The following CDH26 variants were observed in gnomAD, a reference collection of about 807,000 sequenced individuals.
The protein encoded by CDH26 is cadherin-like protein 26.
CDH26 carries 83 observed loss-of-function variants against 90.3 expected under a neutral mutation model. The observed-to-expected ratio is 0.92, with a 90% confidence interval of 0.77 to 1.10. The LOEUF (loss-of-function observed/expected upper bound fraction) is 1.10, where lower values mean the gene tolerates loss of function less well. Ranked by LOEUF, CDH26 falls within the 50% of genes least tolerant of loss-of-function variation. The pLI, the probability that CDH26 is intolerant of heterozygous loss-of-function variation, is 0.00. For synonymous variants in CDH26, 397 were observed against 396.3 expected (o/e 1.00, Z -0.02); for missense variants, 1,013 against 1,037.6 (o/e 0.98, Z 0.33).
intron 1 of CDH26, among the ~76,000 whole-genome samples, chr20:59,960,465 G>A (rs1235752477): frequency 1.3e-5 from 2 of 151,978 alleles, no homozygotes; most frequent in Non-Finnish European, 2.9e-5. Flanking sequence ...TTATGAAAAG[G>A]GGGTTCTCAC....
At chr20:59,981,635 C>A (rs73309297) in intron 4 of CDH26, among the ~76,000 whole-genome samples, 1,726 of 152,160 alleles carry the variant, frequency 0.011, 33 homozygotes, top group African/African-American at 0.039. Flanking sequence ...AATGTACTAT[C>A]CTTTTAATAT....
At chr20:60,026,202 A>G (rs1387256389) in intron 7 of CDH26, among the ~76,000 whole-genome samples, 1 of 152,212 alleles carries the variant, frequency 6.6e-6, no homozygotes, top group African/African-American at 2.4e-5. Context: ...TGGTGAAGAC[A>G]TCCTCCCAAG....
intron 17 of CDH26, among the ~76,000 whole-genome samples, chr20:60,011,491 C>T (rs928512225): frequency 2.0e-5 from 3 of 152,124 alleles, no homozygotes; most frequent in Admixed American, 6.5e-5. Flanking sequence ...CTGATACCAT[C>T]GAAATCATCT....
intron 16 of CDH26, among the ~76,000 whole-genome samples, chr20:60,004,458 A>T (rs752915085): frequency 3.9e-5 from 6 of 152,060 alleles, no homozygotes; most frequent in Non-Finnish European, 7.4e-5. Flanking sequence ...TTGGAACACA[A>T]TGGTGTTTGT....
At chr20:59,988,101 G>A (rs1379678255) in intron 8 of CDH26, among the ~76,000 whole-genome samples, 1 of 152,208 alleles carries the variant, frequency 6.6e-6, no homozygotes, top group Non-Finnish European at 1.5e-5. Context: ...CCCTGGCACT[G>A]TGCCTAATGG....
chr20:59,984,982 T>G lies in CDH26; in HGVS notation c.709-19T>G, dbSNP rs144417269. ...TTCCTGTATTTGAGGGGCTTAACTT[T>G]CCTTTTCCTCCCACATAGACCGCTC... On this transcript the variant is annotated intron_variant, in intron 6 of 17. Transcript: ENST00000348616. The G allele has an allele frequency of 8.7e-6, 14 of 1,609,298 alleles. No individual in the cohort carries two copies. In the African/African-American group the frequency reaches 1.7e-4, roughly 20 times the overall value.
chr20:59,996,330 G>A lies in CDH26; in HGVS notation c.1888+276G>A, dbSNP rs1351452762. ...GCCCTTTGTTTGTAATAACCATGGA[G>A]ACAGCAATGTACAGATATTCAGGCT... On this transcript the variant is annotated intron_variant, in intron 12 of 17. Coordinates refer to ENST00000348616, the MANE Select transcript of CDH26 (RefSeq NM_177980.4). 4.9e-6 allele frequency: 7 copies of A among 1,429,104 alleles called. No homozygotes were observed. In the Admixed American group the frequency reaches 1.7e-4, roughly 34 times the overall value. 88.5% of individuals were successfully genotyped at this position (1,429,104 alleles called of 1,614,324 possible). A position where few individuals can be genotyped will look rare whatever the true frequency, so the allele number is the denominator to read the frequency against.
At chr20:60,021,865 C>CACACACACAT (rs1555903627) in intron 7 of CDH26, among the ~76,000 whole-genome samples, 4 of 75,812 alleles carry the variant, frequency 5.3e-5, no homozygotes, top group African/African-American at 1.8e-4. Flanking sequence ...CACACACACA[C>CACACACACAT]ACACACACAC....
At chr20:60,026,427 G>GAGAGAGAGAGAGA (rs2061998538) in intron 7 of CDH26, among the ~76,000 whole-genome samples, 15 of 116,776 alleles carry the variant, frequency 1.3e-4, no homozygotes, top group African/African-American at 4.0e-4. Context: ...AGAGAGAGAG[G>GAGAGAGAGAGAGA]GAGAAGAGGA....
chr20:59,965,589 C>A (rs964488908), intron 1 of CDH26, among the ~76,000 whole-genome samples: 9 of 152,168 alleles, frequency 5.9e-5, no homozygotes, highest in African/African-American at 2.2e-4. Context: ...CAGCGGGAGT[C>A]TCCTCTCTGC....
At position 60,004,357 on chromosome 20, in the gene CDH26, G is replaced by A. The variant is rs547291134; in HGVS notation, c.2220+1491G>A. On this transcript the variant is annotated intron_variant, in intron 16 of 17. Transcript: ENST00000348616. ...GTTTTACACAAACCTAAATGGTGTA[G>A]CCTACTACACACCTAGACCTCTTGG... is the stretch of plus-strand genomic sequence containing the variant. 9.2e-5 allele frequency among the ~76,000 whole-genome samples: 14 copies of A among 152,200 alleles called. No homozygotes were observed. In the South Asian group the frequency reaches 2.9e-3, roughly 32 times the overall value.
At position 60,006,756 on chromosome 20, in the gene CDH26, TGGAA is replaced by T. The variant is rs781093403; in HGVS notation, c.2272_2275del (p.Arg758TrpfsTer5). On this transcript the variant is annotated frameshift_variant, in exon 17 of 18. Transcript: ENST00000348616. LOFTEE classifies it low-confidence loss of function (END_TRUNC). ...ATGCACAGACAACTCCTGGCTCCGG[TGGAA>T]GGAAGGATGGCAGAGACATTGAATC... The T allele has an allele frequency of 6.2e-7, 1 of 1,613,966 alleles. No individual in the cohort carries two copies. The highest frequency in any genetic ancestry group is 1.7e-5 in the Admixed American group (1 of 60,010).
rs184496607 is a variant in CDH26 at position 60,011,915 on chromosome 20, C to T, written c.2296-612C>T. On this transcript the variant is annotated intron_variant, in intron 17 of 17. Coordinates refer to ENST00000348616, the MANE Select transcript of CDH26 (RefSeq NM_177980.4). Reference sequence around the variant, plus strand: ...GGAGTGTCACAGAGAGAGATGGTGACGGGGACATCACCATTGGTTAGGGAT... The same window carrying T: ...GGAGTGTCACAGAGAGAGATGGTGATGGGGACATCACCATTGGTTAGGGAT... Among the ~76,000 whole-genome samples, 36 of 152,074 alleles carry T rather than the reference C, an allele frequency of 2.4e-4. No homozygotes were observed. In the East Asian group the frequency reaches 5.6e-3, roughly 24 times the overall value.
At chr20:60,019,400 C>CT (rs565662152), downstream of CDH26, among the ~76,000 whole-genome samples, 2 of 152,038 alleles carry the variant, frequency 1.3e-5, no homozygotes, top group Non-Finnish European at 2.9e-5. Context: ...TTTCTTCATT[C>CT]TTTTTTTGTC....
chr20:60,014,064 C>T lies in CDH26; in HGVS notation c.*1334C>T, dbSNP rs1488173770. 1 of 151,552 alleles carries T rather than the reference C, an allele frequency of 6.6e-6. No individual in the cohort carries two copies. Among genetic ancestry groups the T allele is most frequent in the East Asian group, 1.9e-4 (1 of 5,180 alleles). The allele number at this position is 151,552 out of a possible 1,614,324, so 9.4% of individuals were successfully genotyped here. ...TTTTTGGACAACAAAACAAAGTAAA[C>T]ATTAGTTTATTCGATTGCCTCCTTA... On this transcript the variant is annotated 3_prime_UTR_variant, in exon 18 of 18. Coordinates refer to ENST00000348616, the MANE Select transcript of CDH26 (RefSeq NM_177980.4).
chr20:59,974,682 T>A (rs534362465), intron 4 of CDH26, among the ~76,000 whole-genome samples: 36 of 152,332 alleles, frequency 2.4e-4, no homozygotes, highest in South Asian at 1.7e-3. Context: ...CACAGTTGTC[T>A]TTTAATATTG....
intron 7 of CDH26, among the ~76,000 whole-genome samples, chr20:60,021,137 G>T (rs189305733): frequency 1.2e-3 from 185 of 152,298 alleles, no homozygotes; most frequent in Middle Eastern, 6.8e-3. Context: ...GTGGGGGTCT[G>T]GGAGAGCACC....
intron 1 of CDH26, among the ~76,000 whole-genome samples, chr20:59,965,291 A>G (rs375785753): frequency 1.1e-4 from 16 of 152,194 alleles, no homozygotes; most frequent in Admixed American, 9.2e-4. Flanking sequence ...TCTGACGCGG[A>G]CGAGCCAACC....
intron 9 of CDH26, 106 bp downstream of exon 9, chr20:59,989,269 C>T (rs2061497464): frequency 6.9e-7 from 1 of 1,448,480 alleles, no homozygotes; most frequent in Non-Finnish European, 9.3e-7. Context: ...TGGCTCACGC[C>T]TGTAATCCCA....
Sources: allele counts gnomAD v4.1 joint callset (sites outside exome capture counted in the v4.1 genomes callset), GRCh38; gene constraint gnomAD v4.1.1; transcripts MANE v1.5; gene names NCBI Gene and HGNC (gene_info 2026-07-23, HGNC 2026-07-21).